HGFAC: variants seen among roughly 807,000 people sequenced by gnomAD.
The protein encoded by HGFAC is hepatocyte growth factor activator serine protease.
Under a neutral mutation model 70.6 loss-of-function variants are expected in HGFAC, and 76 were observed. The ratio of observed to expected loss-of-function variants is 1.08; its 90% CI spans 0.89 to 1.30. The LOEUF is 1.30. Among genes scored for constraint, HGFAC ranks in the 50% most tolerant of loss-of-function variants. HGFAC has a pLI of 0.00. For synonymous variants in HGFAC, 464 were observed against 405.3 expected, an observed-to-expected ratio of 1.14 and a Z score of -1.74; for missense variants, 1,044 against 933.7, an observed-to-expected ratio of 1.12 and a Z score of -1.54.
In HGFAC at chr4:3,443,098, G is replaced by T. The variant is rs1393245724; in HGVS notation, c.347G>T (p.Gly116Val). Residue 116 changes from glycine (G) to valine (V), a missense_variant, in exon 3 of 14, where the codon GGC becomes GTC. Gly to Val is a moderately radical substitution (Grantham distance 109, BLOSUM62 -3). Coordinates refer to ENST00000382774, the MANE Select transcript of HGFAC (RefSeq NM_001528.4). The part of the protein sequence containing the change: ...RPCRFPFRYG[G>V]RMLHACTSEG... ...TGCAGGTTCCCCTTCCGCTACGGGG[G>T]CCGCATGCTGCATGCCTGCACTTCG... 1 of 1,596,920 alleles carries T rather than the reference G, an allele frequency of 6.3e-7. No homozygotes were observed. Among genetic ancestry groups the T allele is most frequent in the Non-Finnish European group, 8.5e-7 (1 of 1,177,186 alleles).
Position 3,446,027 on chromosome 4 carries a change from G to A in HGFAC, c.1103-15G>A. 1.2e-6 allele frequency: 2 copies of A among 1,606,432 alleles called. No individual in the cohort carries two copies. Among genetic ancestry groups the A allele is most frequent in the Non-Finnish European group, 1.7e-6 (2 of 1,176,400 alleles). On this transcript the variant is annotated splice_polypyrimidine_tract_variant and intron_variant, in intron 9 of 13. Transcript: ENST00000382774. ...GTGAACCCCAGGGGTGTGACCCGGT[G>A]ACCTTTGCTCCCAGAATCCCTCACC...
intron 9 of HGFAC, chr4:3,445,639 AG>A: frequency 1.7e-6 from 1 of 602,722 alleles, no homozygotes; most frequent in South Asian, 2.0e-5. Context: ...AGGGAGGTGC[AG>A]GGAGGGCAGC....
intron 9 of HGFAC, chr4:3,445,748 G>C: frequency 1.1e-6 from 1 of 916,072 alleles, no homozygotes; most frequent in Non-Finnish European, 1.7e-6. Context: ...CTCATGTGGG[G>C]GTCTCTGACT....
rs770756848 is a variant in HGFAC at position 3,444,180 on chromosome 4, G to C, written c.598+19G>C. Reference sequence around the variant, plus strand: ...GGCACAGGTGAGCTGGGCCTCGGAGGTCCGCAGGGGTCCAGGGGCCGGAGC... The same window carrying C: ...GGCACAGGTGAGCTGGGCCTCGGAGCTCCGCAGGGGTCCAGGGGCCGGAGC... On this transcript the variant is annotated intron_variant, in intron 5 of 13. Coordinates refer to ENST00000382774, the MANE Select transcript of HGFAC (RefSeq NM_001528.4). 6.3e-7 allele frequency: 1 copy of C among 1,580,466 alleles called. No homozygotes were observed. Among genetic ancestry groups the C allele is most frequent in the Non-Finnish European group, 8.6e-7 (1 of 1,164,308 alleles).
At position 3,446,028 on chromosome 4, in the gene HGFAC, A is replaced by G; in HGVS notation, c.1103-14A>G. ...TGAACCCCAGGGGTGTGACCCGGTG[A>G]CCTTTGCTCCCAGAATCCCTCACCA... On this transcript the variant is annotated splice_polypyrimidine_tract_variant and intron_variant, in intron 9 of 13. Coordinates refer to ENST00000382774, the MANE Select transcript of HGFAC (RefSeq NM_001528.4). 1 of 1,606,366 alleles carries G rather than the reference A, an allele frequency of 6.2e-7. No homozygotes were observed. The highest frequency in any genetic ancestry group is 8.5e-7 in the Non-Finnish European group (1 of 1,176,334).
Position 3,444,396 on chromosome 4 carries a change from C to T in HGFAC, c.684C>T (p.Cys228=), listed in dbSNP as rs772257050. The T allele has an allele frequency of 1.6e-5, 26 of 1,604,928 alleles. No individual in the cohort carries two copies. The highest frequency in any genetic ancestry group is 5.1e-5 in the Admixed American group (3 of 58,922). Residue 228 remains cysteine, a synonymous_variant, in exon 6 of 14, where the codon TGC becomes TGT. Coordinates refer to ENST00000382774, the MANE Select transcript of HGFAC (RefSeq NM_001528.4). ...TGCGCCAGGGCCACGTGGAACAGTG[C>T]GAGTGCTTCGGGGGCCGGACCTGGT... The part of the protein sequence containing the change: ...ARVRQGHVEQ[C]ECFGGRTWCE...
At position 3,444,921 on chromosome 4, in the gene HGFAC, T is replaced by C. The variant is rs776289947; in HGVS notation, c.944T>C (p.Leu315Pro). ...TGCCTGGCCTGGAACTCCGATCTGC[T>C]CTACCAGGAGCTGCACGTGGACTCC... ...LSCLAWNSDL[L>P]YQELHVDSVG... The change falls in exon 8 of 14, where the codon CTC becomes CCC. Residue 315 changes from leucine to proline, a missense_variant. By Grantham distance (98) the Leu-to-Pro change is moderately conservative. Coordinates refer to ENST00000382774, the MANE Select transcript of HGFAC (RefSeq NM_001528.4). 2 of 1,609,682 alleles carry C rather than the reference T, an allele frequency of 1.2e-6. No homozygotes were observed. Among genetic ancestry groups the C allele is most frequent in the Non-Finnish European group, 1.7e-6 (2 of 1,178,822 alleles).
rs370377470 is a variant in HGFAC at position 3,447,513 on chromosome 4, C to T, written c.1377C>T (p.Ser459=). Residue 459 remains serine (S), a synonymous_variant, in exon 11 of 14, where the codon TCC becomes TCT. Coordinates refer to ENST00000382774, the MANE Select transcript of HGFAC (RefSeq NM_001528.4). The part of the protein sequence containing the change: ...FSHSPPRDSV[S]VVLGQHFFNR... ...ACAGCCCCCCCAGGGACAGCGTCTCCGTGGTGCTGGGCCAGCACTTCTTCA... is the reference window on the plus strand; with the variant it reads ...ACAGCCCCCCCAGGGACAGCGTCTCTGTGGTGCTGGGCCAGCACTTCTTCA... The T allele has an allele frequency of 1.7e-5, 27 of 1,612,616 alleles. No individual in the cohort carries two copies. The highest frequency in any genetic ancestry group is 4.5e-5 in the East Asian group (2 of 44,876).
intron 9 of HGFAC, 99 bp from the exon 10 acceptor site, chr4:3,445,943 A>C: frequency 6.4e-7 from 1 of 1,560,626 alleles, no homozygotes; most frequent in South Asian, 1.2e-5. Flanking sequence ...GGGTCCGGCC[A>C]TGGCCCTCTG....
Position 3,442,068 on chromosome 4 carries a change from C to G in HGFAC, c.67C>G (p.Leu23Val). Reference protein sequence around the residue: ...PPGLGPFLLLLLLLLLLPRGF... With the variant: ...PPGLGPFLLLVLLLLLLPRGF... ...GGGGCTGGGCCCCTTCCTCCTCCTC[C>G]TCCTGCTGCTGCTGCTGCTGCCACG... Residue 23 changes from leucine (L) to valine (V), a missense_variant, in exon 1 of 14, where the codon CTC becomes GTC. Physicochemically the swap from Leu to Val is conservative, Grantham distance 32. Transcript: ENST00000382774. The G allele has an allele frequency of 1.9e-6, 3 of 1,554,892 alleles. No individual in the cohort carries two copies. The highest frequency in any genetic ancestry group is 2.6e-6 in the Non-Finnish European group (3 of 1,162,966).
Position 3,444,687 on chromosome 4 carries a change from C to G in HGFAC, c.795C>G (p.Thr265=). The G allele has an allele frequency of 3.1e-6, 5 of 1,597,674 alleles. No individual in the cohort carries two copies. Among genetic ancestry groups the G allele is most frequent in the Middle Eastern group, 1.7e-4 (1 of 5,836 alleles). ...TCHLIVATGT[T]VCACPPGFAG... ...ACCTGATCGTGGCCACCGGGACCAC[C>G]GTGTGTGCCTGCCCACCAGGCTTCG... is the stretch of plus-strand genomic sequence containing the variant. The change falls in exon 7 of 14, where the codon ACC becomes ACG. Residue 265 remains threonine (T), a synonymous_variant. Transcript: ENST00000382774.
Position 3,444,645 on chromosome 4 carries a change from G to C in HGFAC, c.753G>C (p.Leu251=), listed in dbSNP as rs1277521796. Residue 251 remains leucine (L), a synonymous_variant, in exon 7 of 14, where the codon CTG becomes CTC. Transcript: ENST00000382774. ...RHTACLSSPC[L]NGGTCHLIVA... ...CAGCTTGTCTGAGCAGCCCTTGCCT[G>C]AACGGGGGCACCTGCCACCTGATCG... 6.3e-7 allele frequency: 1 copy of C among 1,597,408 alleles called. No individual in the cohort carries two copies.
At chr4:3,446,388 T>G in intron 10 of HGFAC, 94 bp downstream of exon 10, 1 of 1,446,276 alleles carries the variant, frequency 6.9e-7, no homozygotes, top group Non-Finnish European at 9.2e-7. Context: ...GCGGACCCCA[T>G]CCCGGTGCCT....
Position 3,444,944 on chromosome 4 carries a change from T to A in HGFAC, c.967T>A (p.Ser323Thr), listed in dbSNP as rs1403670860. ...GCTCTACCAGGAGCTGCACGTGGAC[T>A]CCGTGGGCGCCGCGGCCCTGCTGGG... is the stretch of plus-strand genomic sequence containing the variant. ...DLLYQELHVD[S>T]VGAAALLGLG... Residue 323 changes from serine to threonine, a missense_variant, in exon 8 of 14, where the codon TCC (serine) becomes ACC (threonine). Physicochemically the swap from Ser to Thr is moderately conservative, Grantham distance 58. Transcript: ENST00000382774. 2 of 1,608,420 alleles carry A rather than the reference T, an allele frequency of 1.2e-6. No individual in the cohort carries two copies. Among genetic ancestry groups the A allele is most frequent in the African/African-American group, 1.3e-5 (1 of 74,852 alleles).
rs758424019 is a variant in HGFAC at position 3,448,265 on chromosome 4, G to A, written c.1774G>A (p.Asp592Asn). Residue 592 changes from aspartate to asparagine, a missense_variant, in exon 13 of 14, where the codon GAC becomes AAC. By Grantham distance (23) the Asp-to-Asn change is conservative. Transcript: ENST00000382774. Reference sequence around the variant, plus strand: ...TGCCGGCTACTTCGACTGCAAGTCCGACGCCTGCCAGGTGAGCTGGTGCCC... The same window carrying A: ...TGCCGGCTACTTCGACTGCAAGTCCAACGCCTGCCAGGTGAGCTGGTGCCC... ...LCAGYFDCKS[D>N]ACQGDSGGPL... is the part of the protein sequence containing the mutation. 3.7e-6 allele frequency: 6 copies of A among 1,608,712 alleles called. No individual in the cohort carries two copies. In the African/African-American group the frequency reaches 5.3e-5, roughly 14 times the overall value.
chr4:3,446,458 T>G (rs988432923), intron 10 of HGFAC, among the ~76,000 whole-genome samples, 164 bp downstream of exon 10: 14 of 152,092 alleles, frequency 9.2e-5, no homozygotes, highest in Admixed American at 8.5e-4. Context: ...GTCTTGGGGC[T>G]CAGTCCTGAG....
At chr4:3,447,375 C>A (rs555995655) in intron 10 of HGFAC, 117 bp from the exon 11 acceptor site, 2 of 1,177,382 alleles carry the variant, frequency 1.7e-6, no homozygotes, top group African/African-American at 1.5e-5. Flanking sequence ...TCAGACCCCT[C>A]CCCGGGACCA....
At chr4:3,444,546 G>T (rs1725429563) in intron 6 of HGFAC, 77 bp from the exon 7 acceptor site, 3 of 1,507,322 alleles carry the variant, frequency 2.0e-6, no homozygotes, top group Admixed American at 2.0e-5. Context: ...AAGGGACAAG[G>T]GGTGGACCCC....
chr4:3,445,062 C>T (rs529061927), intron 8 of HGFAC, 69 bp downstream of exon 8: 124 of 1,454,964 alleles, frequency 8.5e-5, no homozygotes, highest in Admixed American at 3.4e-4. Context: ...AGAGGCCCCC[C>T]GGCTCCCTAG....
Sources: allele counts gnomAD v4.1 joint callset (sites outside exome capture counted in the v4.1 genomes callset), GRCh38; gene constraint gnomAD v4.1.1; transcripts MANE v1.5; gene names NCBI Gene and HGNC (gene_info 2026-07-23, HGNC 2026-07-21).